BTAF1: variants seen among roughly 807,000 people sequenced by gnomAD.
The protein encoded by BTAF1 is B-TFIID TATA-box binding protein associated factor 1.
Under a neutral mutation model 227.1 loss-of-function variants are expected in BTAF1, and 38 were observed. That is an observed-to-expected ratio of 0.17 (90% CI 0.13 to 0.22). The LOEUF is 0.22. Among genes scored for constraint, BTAF1 ranks in the 10% least tolerant of loss-of-function variants. The pLI is 1.00. For missense variants in BTAF1, 1,598 were observed against 2,204.0 expected, an observed-to-expected ratio of 0.73 and a Z score of 5.51; for synonymous variants, 742 against 751.9, an observed-to-expected ratio of 0.99 and a Z score of 0.21.
At chr10:91,973,265 T>C (rs1564685637) in intron 14 of BTAF1, among the ~76,000 whole-genome samples, 1 of 152,232 alleles carries the variant, frequency 6.6e-6, no homozygotes. Context: ...GCTCTATCAT[T>C]TGCTAATTTA....
intron 1 of BTAF1, among the ~76,000 whole-genome samples, chr10:91,932,157 A>C (rs1844314781): frequency 6.6e-6 from 1 of 152,188 alleles, no homozygotes; most frequent in Non-Finnish European, 1.5e-5. Flanking sequence ...TTTGGGCAGG[A>C]GTTCTAAGTG....
At chr10:91,964,233 A>G in intron 13 of BTAF1, 32 bp downstream of exon 13, 1 of 1,600,458 alleles carries the variant, frequency 6.2e-7, no homozygotes, top group Non-Finnish European at 8.5e-7. Context: ...AATAAAGTAA[A>G]AAGTCTTTAC....
At chr10:91,945,203 A>G (rs1056262622) in intron 4 of BTAF1, among the ~76,000 whole-genome samples, 17 of 152,088 alleles carry the variant, frequency 1.1e-4, no homozygotes, top group African/African-American at 3.9e-4. Flanking sequence ...GAATATTTTC[A>G]AGGTTCATCT....
At chr10:92,016,194 C>A (rs1429598808) in intron 32 of BTAF1, 146 bp from the exon 33 acceptor site, 5 of 886,242 alleles carry the variant, frequency 5.6e-6, no homozygotes, top group South Asian at 4.3e-5. Context: ...CCTGTAATTC[C>A]TGTAGTGAAT....
At chr10:92,000,104 A>T (rs1849415783) in intron 25 of BTAF1, among the ~76,000 whole-genome samples, 1 of 152,100 alleles carries the variant, frequency 6.6e-6, no homozygotes, top group Non-Finnish European at 1.5e-5. Context: ...ACCTCACACT[A>T]AAAAAAGTGT....
At chr10:91,943,521 TAATC>T (rs910016659) in intron 4 of BTAF1, among the ~76,000 whole-genome samples, 9 of 152,346 alleles carry the variant, frequency 5.9e-5, no homozygotes, top group Admixed American at 1.3e-4. Context: ...TGTTGCTAAT[TAATC>T]GTCATTTAGA....
Position 92,028,870 on chromosome 10 carries a change from T to G in BTAF1, c.5487T>G (p.Leu1829=). Residue 1829 remains leucine (L), a synonymous_variant, in exon 38 of 38, where the codon CTT becomes CTG. Transcript: ENST00000265990. Reference sequence around the variant, plus strand: ...CAATTCTTGAAAACCTGAGTGATCTTTGGGATCAAGAGCAGTATGATTCAG... The same window carrying G: ...CAATTCTTGAAAACCTGAGTGATCTGTGGGATCAAGAGCAGTATGATTCAG... ...MKSILENLSD[L]WDQEQYDSEY... 1 of 1,609,882 alleles carries G rather than the reference T, an allele frequency of 6.2e-7. No homozygotes were observed.
rs1846995244 is a variant in BTAF1 at position 91,967,432 on chromosome 10, C to T, written c.1650+675C>T. On this transcript the variant is annotated intron_variant, in intron 14 of 37. Transcript: ENST00000265990. ...GATTATCAATAAGAAATTTAGTTTT[C>T]TAGTGTGCAGTTAATAGGTACTACA... 2.0e-5 allele frequency among the ~76,000 whole-genome samples: 3 copies of T among 152,246 alleles called. No individual in the cohort carries two copies. In the South Asian group the frequency reaches 6.2e-4, roughly 32 times the overall value.
chr10:91,994,085 G>A (rs1033015102), intron 22 of BTAF1, among the ~76,000 whole-genome samples: 2 of 152,144 alleles, frequency 1.3e-5, no homozygotes, highest in Non-Finnish European at 2.9e-5. Context: ...AGGCCCAGGT[G>A]GGCAGATCAC....
At chr10:92,017,582 C>CT (rs781732609) in intron 33 of BTAF1, among the ~76,000 whole-genome samples, 9 of 151,964 alleles carry the variant, frequency 5.9e-5, no homozygotes, top group Non-Finnish European at 1.3e-4. Context: ...GGGATCATAG[C>CT]TTACTGCAAC....
intron 13 of BTAF1, among the ~76,000 whole-genome samples, chr10:91,965,556 T>A (rs1177207149): frequency 6.6e-6 from 1 of 152,220 alleles, no homozygotes; most frequent in East Asian, 1.9e-4. Context: ...ATAGTGAAAA[T>A]TCTATTAATT....
chr10:92,013,587 A>G, intron 30 of BTAF1, 80 bp from the exon 31 acceptor site: 2 of 1,533,674 alleles, frequency 1.3e-6, no homozygotes, highest in South Asian at 2.3e-5. Flanking sequence ...GATTATAATA[A>G]TGGGCTTTCA....
chr10:91,936,955 C>A (rs945322788), intron 2 of BTAF1, among the ~76,000 whole-genome samples: 1 of 151,962 alleles, frequency 6.6e-6, no homozygotes, highest in Admixed American at 6.6e-5. Flanking sequence ...ACTGTCTCAC[C>A]GTCTTTCCTT....
rs564025566 is a variant in BTAF1 at position 91,988,005 on chromosome 10, C to T, written c.2428-1149C>T. Among the ~76,000 whole-genome samples, 3 of 152,294 alleles carry T rather than the reference C, an allele frequency of 2.0e-5. No individual in the cohort carries two copies. In the East Asian group the frequency reaches 5.8e-4, roughly 29 times the overall value. ...ACAGTGTCCTGTTTTCCACTCCCTA[C>T]CTCACTTTGTTTGCCAAGATGTCCC... is the stretch of plus-strand genomic sequence containing the variant. On this transcript the variant is annotated intron_variant, in intron 19 of 37. Transcript: ENST00000265990.
In BTAF1 at chr10:92,016,482, A is replaced by AC; in HGVS notation, c.4710+18dup. 1.4e-6 allele frequency: 2 copies of AC among 1,480,762 alleles called. No homozygotes were observed. Among genetic ancestry groups the AC allele is most frequent in the South Asian group, 1.4e-5 (1 of 71,226 alleles). 91.7% of individuals were successfully genotyped at this position (1,480,762 alleles called of 1,614,324 possible). On this transcript the variant is annotated intron_variant, in intron 33 of 37. Transcript: ENST00000265990. ...GTATTCCAGGTATAGATTACATTCT[A>AC]CTTTTTTTTTTTTTGAGATGGAATT... is the stretch of plus-strand genomic sequence containing the variant.
intron 30 of BTAF1, 23 bp from the exon 31 acceptor site, chr10:92,013,644 A>G (rs753205586): frequency 1.6e-5 from 26 of 1,613,832 alleles, no homozygotes; most frequent in Middle Eastern, 1.6e-4. Flanking sequence ...AGTACAAAAG[A>G]TAATTGGTGT....
chr10:91,980,554 A>C lies in BTAF1; in HGVS notation c.1751A>C (p.His584Pro). The C allele has an allele frequency of 6.2e-7, 1 of 1,604,102 alleles. No individual in the cohort carries two copies. Residue 584 changes from histidine (H) to proline (P), a missense_variant, in exon 15 of 38, where the codon CAC (histidine) becomes CCC (proline). This residue lies in a region of BTAF1 where 318 missense variants were observed against 435.0 expected (regional missense o/e 0.73). Transcript: ENST00000265990. ...AGCCAGGAAATTCTGGACCTTATTC[A>C]CAAGGTACACAGCAAATGTATTTGT... ...ESSQEILDLIHKVWMELLSKA... is the reference protein window; with the variant it reads ...ESSQEILDLIPKVWMELLSKA...
intron 1 of BTAF1, among the ~76,000 whole-genome samples, chr10:91,933,434 A>G (rs995693647): frequency 2.6e-5 from 4 of 152,182 alleles, no homozygotes; most frequent in African/African-American, 9.7e-5. Context: ...GGAGAAACTG[A>G]TGAGAGTTGA....
chr10:91,963,678 C>T (rs1846685258), intron 12 of BTAF1, among the ~76,000 whole-genome samples: 2 of 152,094 alleles, frequency 1.3e-5, no homozygotes, highest in Admixed American at 6.5e-5. Flanking sequence ...ATTTTAAGAG[C>T]TTAAAAACTA....
Sources: gnomAD v4.1 joint callset for allele counts (sites outside exome capture counted in the v4.1 genomes callset) on GRCh38, gnomAD v4.1.1 for gene constraint, gnomAD v4.1.1 regional missense constraint, MANE v1.5 for transcripts, NCBI Gene and HGNC (gene_info 2026-07-23, HGNC 2026-07-21) for gene names.